The following ROBO1 variants were observed in gnomAD, a reference collection of about 807,000 sequenced individuals.
The protein encoded by ROBO1 is roundabout homolog 1.
A neutral mutation model predicts 195.9 loss-of-function variants in ROBO1; 149 were observed. The ratio of observed to expected loss-of-function variants is 0.76; its 90% confidence interval spans 0.67 to 0.87. The LOEUF (loss-of-function observed/expected upper bound fraction) is 0.87. ROBO1 is among the 40% of genes least tolerant of loss of function. The pLI is 0.00. For synonymous variants in ROBO1, 816 were observed against 733.2 expected (o/e 1.11, Z -1.82); for missense variants, 1,933 against 2,068.3 (o/e 0.93, Z 1.27).
At chr3:79,618,042 G>A (rs1276905003) in intron 1 of ROBO1, among the ~76,000 whole-genome samples, 2 of 151,604 alleles carry the variant, frequency 1.3e-5, no homozygotes, top group African/African-American at 4.8e-5. Flanking sequence ...CTGAAGACCA[G>A]GTCCTGTGAA....
chr3:79,557,352 G>T (rs1942739475), intron 2 of ROBO1, among the ~76,000 whole-genome samples: 1 of 151,942 alleles, frequency 6.6e-6, no homozygotes, highest in Non-Finnish European at 1.5e-5. Context: ...TAAAACATTA[G>T]TTTGACTATC....
chr3:79,268,716 C>T (rs2030232068), intron 2 of ROBO1, among the ~76,000 whole-genome samples: 1 of 151,562 alleles, frequency 6.6e-6, no homozygotes, highest in African/African-American at 2.4e-5. Flanking sequence ...TGAGTAATAC[C>T]TTGGTTCCAA....
chr3:78,841,398 T>C (rs1036613421), intron 4 of ROBO1, among the ~76,000 whole-genome samples: 11 of 152,138 alleles, frequency 7.2e-5, no homozygotes, highest in Non-Finnish European at 1.3e-4. Flanking sequence ...GAGTCCCTTG[T>C]GAAACATAAA....
intron 2 of ROBO1, among the ~76,000 whole-genome samples, chr3:79,562,591 G>A (rs1199337016): frequency 6.6e-6 from 1 of 152,016 alleles, no homozygotes; most frequent in African/African-American, 2.4e-5. Flanking sequence ...CTAGAGAAAT[G>A]TTTTATTGAG....
chr3:79,154,279 C>G (rs1415257710), intron 2 of ROBO1, among the ~76,000 whole-genome samples: 1 of 151,748 alleles, frequency 6.6e-6, no homozygotes, highest in Non-Finnish European at 1.5e-5. Context: ...CATTCCATCA[C>G]ACGATACCAT....
intron 3 of ROBO1, among the ~76,000 whole-genome samples, chr3:78,953,480 G>A (rs898513893): frequency 1.3e-5 from 2 of 151,950 alleles, no homozygotes; most frequent in African/African-American, 4.8e-5. Context: ...ATTGTGTTAA[G>A]CATTGGCAGC....
chr3:79,551,981 A>G (rs1249865660), intron 2 of ROBO1, among the ~76,000 whole-genome samples: 13 of 19,394 alleles, frequency 6.7e-4, no homozygotes, highest in African/African-American at 3.7e-3. Context: ...CTACAGAGTT[A>G]AAAAAAAAAA....
intron 2 of ROBO1, among the ~76,000 whole-genome samples, chr3:79,448,803 T>C (rs902922107): frequency 3.9e-5 from 6 of 152,180 alleles, no homozygotes; most frequent in East Asian, 1.9e-4. Flanking sequence ...GCCTGAGAAA[T>C]TGTGTTATTG....
At chr3:78,647,079 C>T (rs1402332148) in intron 20 of ROBO1, among the ~76,000 whole-genome samples, 2 of 151,918 alleles carry the variant, frequency 1.3e-5, no homozygotes, top group Non-Finnish European at 2.9e-5. Context: ...CACAACTACA[C>T]GTACATCTTT....
At chr3:79,729,801 C>T (rs1416006819) in intron 1 of ROBO1, among the ~76,000 whole-genome samples, 16 of 152,178 alleles carry the variant, frequency 1.1e-4, no homozygotes. Context: ...TTAAATGTCA[C>T]TGAGTCCAGA....
chr3:79,472,512 C>T (rs546285331), intron 2 of ROBO1, among the ~76,000 whole-genome samples: 1 of 152,122 alleles, frequency 6.6e-6, no homozygotes, highest in South Asian at 2.1e-4. Context: ...TGAACCAGAG[C>T]TAAGGACTTC....
chr3:79,735,764 G>A (rs1032048353), intron 1 of ROBO1, among the ~76,000 whole-genome samples: 1 of 151,824 alleles, frequency 6.6e-6, no homozygotes, highest in Non-Finnish European at 1.5e-5. Flanking sequence ...CCAGCTACTC[G>A]GGAGGCTGAG....
chr3:79,584,678 C>A (rs1943771977), intron 2 of ROBO1, among the ~76,000 whole-genome samples: 1 of 149,454 alleles, frequency 6.7e-6, no homozygotes, highest in Non-Finnish European at 1.5e-5. Context: ...TACACACATA[C>A]ACACACTCAC....
At chr3:79,603,319 T>C (rs1944392180) in intron 1 of ROBO1, among the ~76,000 whole-genome samples, 1 of 151,898 alleles carries the variant, frequency 6.6e-6, no homozygotes, top group Non-Finnish European at 1.5e-5. Flanking sequence ...AGAGAATTGC[T>C]CAAACAAGCC....
At chr3:78,788,440 TAAAAAAAA>T (rs35773751) in intron 4 of ROBO1, among the ~76,000 whole-genome samples, 1 of 75,754 alleles carries the variant, frequency 1.3e-5, no homozygotes, top group Non-Finnish European at 2.5e-5. Context: ...TTTTTTTTTT[TAAAAAAAA>T]AAAAAAAAAA....
intron 1 of ROBO1, among the ~76,000 whole-genome samples, chr3:79,619,941 C>T (rs1468258645): frequency 6.6e-6 from 1 of 152,202 alleles, no homozygotes; most frequent in Non-Finnish European, 1.5e-5. Context: ...GAACAGGCAT[C>T]CAAGTGGCAA....
At chr3:78,711,442 TC>T (rs1162530789) in intron 8 of ROBO1, among the ~76,000 whole-genome samples, 10,562 of 97,524 alleles carry the variant, frequency 0.11, 1,242 homozygotes, top group Non-Finnish European at 0.13. Context: ...TTTCTTTCTT[TC>T]CTTCCTTCCT....
At chr3:78,854,305 A>G (rs2034266906) in intron 4 of ROBO1, among the ~76,000 whole-genome samples, 1 of 146,778 alleles carries the variant, frequency 6.8e-6, no homozygotes, top group South Asian at 2.1e-4. Context: ...TAAAACTATA[A>G]ATATAATTTT....
chr3:79,115,126 A>G (rs904672221), intron 3 of ROBO1, among the ~76,000 whole-genome samples: 6 of 152,206 alleles, frequency 3.9e-5, no homozygotes, highest in African/African-American at 1.2e-4. Flanking sequence ...CCCAAATCAT[A>G]CAACCATCAT....
Sources: gnomAD v4.1 joint callset for allele counts (sites outside exome capture counted in the v4.1 genomes callset) on GRCh38, gnomAD v4.1.1 for gene constraint, MANE v1.5 for transcripts, NCBI Gene and HGNC (gene_info 2026-07-23, HGNC 2026-07-21) for gene names.